PPM1L: variants seen among roughly 807,000 people sequenced by gnomAD.
The protein encoded by PPM1L is protein phosphatase, Mg2+/Mn2+ dependent 1L.
PPM1L carries 13 observed loss-of-function variants against 31.4 expected under a neutral mutation model. The ratio of observed to expected loss-of-function variants is 0.41; its 90% CI spans 0.27 to 0.66. The LOEUF is 0.66. Among genes scored for constraint, PPM1L ranks in the 30% least tolerant of loss-of-function variants. The pLI, the probability that PPM1L is intolerant of heterozygous loss-of-function variation, is 0.29. For missense variants in PPM1L, 326 were observed against 453.7 expected, an observed-to-expected ratio of 0.72 and a Z score of 2.56; for synonymous variants, 184 against 175.4, an observed-to-expected ratio of 1.05 and a Z score of -0.39.
chr3:160,975,474 T>G (rs1716534899), intron 2 of PPM1L, among the ~76,000 whole-genome samples: 1 of 152,216 alleles, frequency 6.6e-6, no homozygotes, highest in African/African-American at 2.4e-5. Flanking sequence ...AGTATGGCCA[T>G]TTTCACGATA....
chr3:160,921,314 GA>G (rs1208150353), intron 1 of PPM1L, among the ~76,000 whole-genome samples: 1 of 152,162 alleles, frequency 6.6e-6, no homozygotes, highest in African/African-American at 2.4e-5. Context: ...AGTGATATGA[GA>G]TTTTTTTATG....
In PPM1L at chr3:160,968,645, G is replaced by A. The variant is rs906638042; in HGVS notation, c.574+6735G>A. On this transcript the variant is annotated intron_variant, in intron 2 of 3. Coordinates refer to ENST00000498165, the MANE Select transcript of PPM1L (RefSeq NM_139245.4). ...CTTTGTTAAGGATATGGTTTGTAAT[G>A]CCATGTGTTTGAGGGAATTATGAGG... 2.0e-5 allele frequency among the ~76,000 whole-genome samples: 3 copies of A among 152,182 alleles called. No individual in the cohort carries two copies. The South Asian group carries it at 6.2e-4, about 32-fold the overall frequency.
chr3:160,795,027 G>C (rs192885465), intron 1 of PPM1L, among the ~76,000 whole-genome samples: 41 of 152,244 alleles, frequency 2.7e-4, no homozygotes, highest in Admixed American at 1.2e-3. Context: ...GAAGATAAAA[G>C]CTGCTGCTTT....
intron 1 of PPM1L, among the ~76,000 whole-genome samples, chr3:160,931,482 A>C (rs1175523741): frequency 6.6e-6 from 1 of 152,220 alleles, no homozygotes; most frequent in African/African-American, 2.4e-5. Flanking sequence ...ATAGTGGTGA[A>C]ATAGAGTTTG....
chr3:161,037,375 G>A (rs924464619), intron 2 of PPM1L, among the ~76,000 whole-genome samples: 7 of 149,196 alleles, frequency 4.7e-5, no homozygotes, highest in Admixed American at 2.0e-4. Context: ...CAGAATCCAT[G>A]TGAATGCACT....
At chr3:160,950,655 A>G (rs2108097708) in intron 1 of PPM1L, among the ~76,000 whole-genome samples, 1 of 152,214 alleles carries the variant, frequency 6.6e-6, no homozygotes, top group East Asian at 1.9e-4. Context: ...AAGGCCCAGT[A>G]GGAGATCTCT....
intron 3 of PPM1L, among the ~76,000 whole-genome samples, chr3:161,067,676 G>A (rs556265734): frequency 1.3e-5 from 2 of 152,300 alleles, no homozygotes; most frequent in East Asian, 3.9e-4. Flanking sequence ...AGGCTTATGT[G>A]CCCAAGCACA....
chr3:160,877,632 C>T (rs6801444), intron 1 of PPM1L, among the ~76,000 whole-genome samples: 6,960 of 151,976 alleles, frequency 0.046, 497 homozygotes, highest in African/African-American at 0.15. Flanking sequence ...GAGAACAGCT[C>T]TCTCTCCTAC....
At chr3:160,980,526 G>C (rs10936216) in intron 2 of PPM1L, among the ~76,000 whole-genome samples, 71,855 of 151,346 alleles carry the variant, frequency 0.47, 18,546 homozygotes, top group East Asian at 0.7. Context: ...AAATTAGCTG[G>C]ACACGGTGGC....
chr3:160,900,495 C>T (rs1461261915), intron 1 of PPM1L, among the ~76,000 whole-genome samples: 4 of 152,012 alleles, frequency 2.6e-5, no homozygotes, highest in South Asian at 2.1e-4. Flanking sequence ...GGGCTCCAAC[C>T]GAACAAGAAA....
intron 1 of PPM1L, among the ~76,000 whole-genome samples, chr3:160,951,763 A>G (rs2108098731): frequency 6.6e-6 from 1 of 152,328 alleles, no homozygotes; most frequent in Non-Finnish European, 1.5e-5. Context: ...TTAGTAGTCC[A>G]TCACTTTAAT....
rs115600301 is a variant in PPM1L at position 161,073,937 on chromosome 3, T to A, written c.*4780T>A. 6.6e-6 allele frequency: 1 copy of A among 152,196 alleles called. No individual in the cohort carries two copies. Among genetic ancestry groups the A allele is most frequent in the Non-Finnish European group, 1.5e-5 (1 of 68,046 alleles). The allele number at this position is 152,196 out of a possible 1,614,324, so 9.4% of individuals were successfully genotyped here. On this transcript the variant is annotated 3_prime_UTR_variant, in exon 4 of 4. Transcript: ENST00000498165. ...TGTCTCAAATTCATTCCAAGATCTT[T>A]CCATTGCTTTTTTGCAGTTACCTTT...
intron 1 of PPM1L, among the ~76,000 whole-genome samples, chr3:160,956,499 G>A (rs534232318): frequency 2.0e-5 from 3 of 152,324 alleles, no homozygotes; most frequent in Non-Finnish European, 4.4e-5. Flanking sequence ...TAATTCAGGT[G>A]TACAGCTCTG....
intron 2 of PPM1L, chr3:161,022,044 T>A: frequency 2.0e-6 from 1 of 501,150 alleles, no homozygotes; most frequent in Non-Finnish European, 3.5e-6. Context: ...TTTTACTATT[T>A]GTTTTTTATA....
intron 1 of PPM1L, among the ~76,000 whole-genome samples, chr3:160,886,662 T>A (rs1388710119): frequency 1.3e-5 from 2 of 151,984 alleles, no homozygotes; most frequent in African/African-American, 4.8e-5. Context: ...CCACAACATC[T>A]GCATCAACAA....
At chr3:160,802,392 C>T (rs1712457186) in intron 1 of PPM1L, among the ~76,000 whole-genome samples, 1 of 152,122 alleles carries the variant, frequency 6.6e-6, no homozygotes, top group East Asian at 1.9e-4. Flanking sequence ...CGGCTTGGAA[C>T]TGAGGTTTCA....
chr3:160,835,234 G>A (rs2108100763), intron 1 of PPM1L, among the ~76,000 whole-genome samples: 2 of 115,462 alleles, frequency 1.7e-5, no homozygotes. Flanking sequence ...TTTGTAGTTT[G>A]TTTTAGACAT....
intron 1 of PPM1L, among the ~76,000 whole-genome samples, chr3:160,781,563 A>G (rs1711748899): frequency 6.6e-6 from 1 of 152,226 alleles, no homozygotes; most frequent in African/African-American, 2.4e-5. Context: ...AAGAGAGCTC[A>G]GGGCACATGA....
chr3:161,007,644 AT>A, intron 2 of PPM1L, among the ~76,000 whole-genome samples: 1 of 152,246 alleles, frequency 6.6e-6, no homozygotes, highest in East Asian at 1.9e-4. Flanking sequence ...TGATTTATTT[AT>A]TTTTTTATTT....
Sources: gnomAD v4.1 joint callset for allele counts (sites outside exome capture counted in the v4.1 genomes callset) on GRCh38, gnomAD v4.1.1 for gene constraint, MANE v1.5 for transcripts, NCBI Gene and HGNC (gene_info 2026-07-23, HGNC 2026-07-21) for gene names.